The following SEC16B variants were observed in gnomAD, a reference collection of about 807,000 sequenced individuals.
The protein encoded by SEC16B is SEC16 homolog B, endoplasmic reticulum export factor.
SEC16B carries 115 observed loss-of-function variants against 141.8 expected under a neutral mutation model. That is an observed-to-expected ratio of 0.81 (90% CI 0.70 to 0.95). The LOEUF (loss-of-function observed/expected upper bound fraction) is 0.95, where lower values mean the gene tolerates loss of function less well. Among genes scored for constraint, SEC16B ranks in the 40% least tolerant of loss-of-function variants. The pLI, the probability that SEC16B is intolerant of heterozygous loss-of-function variation, is 0.00. For synonymous variants in SEC16B, 493 were observed against 492.5 expected, an observed-to-expected ratio of 1.00 and a Z score of -0.01; for missense variants, 1,291 against 1,312.3, an observed-to-expected ratio of 0.98 and a Z score of 0.25.
intron 20 of SEC16B, among the ~76,000 whole-genome samples, 174 bp from the exon 21 acceptor site, chr1:177,933,810 C>A (rs947627395): frequency 3.3e-5 from 5 of 152,166 alleles, no homozygotes; most frequent in African/African-American, 1.2e-4. Flanking sequence ...CTGAAGGTCG[C>A]AGGATAAGGA....
chr1:177,937,628 G>T, intron 18 of SEC16B, 115 bp from the exon 19 acceptor site: 1 of 832,692 alleles, frequency 1.2e-6, no homozygotes, highest in South Asian at 2.1e-5. Context: ...ACAAGGACGA[G>T]CTGTCTAATG....
chr1:177,931,224 G>A (rs542048521), intron 24 of SEC16B, among the ~76,000 whole-genome samples: 1 of 152,290 alleles, frequency 6.6e-6, no homozygotes, highest in African/African-American at 2.4e-5. Context: ...ATACGTATAC[G>A]ATGGAATACA....
At chr1:177,948,698 T>C in intron 12 of SEC16B, 1 of 1,238,406 alleles carries the variant, frequency 8.1e-7, no homozygotes, top group Non-Finnish European at 1.0e-6. Flanking sequence ...TATAATGTCA[T>C]GGAAACAACA....
At position 177,947,966 on chromosome 1, in the gene SEC16B, A is replaced by G. The variant is rs372926685; in HGVS notation, c.1546-24T>C. Reference sequence around the variant, plus strand: ...CACTGAAAAGCACCAGAAAAAATAAATGTACAATCATTTAAGAATGGCCAG... The same window carrying G: ...CACTGAAAAGCACCAGAAAAAATAAGTGTACAATCATTTAAGAATGGCCAG... On this transcript the variant is annotated intron_variant, in intron 12 of 25. Coordinates refer to ENST00000308284, the MANE Select transcript of SEC16B (RefSeq NM_033127.4). The G allele has an allele frequency of 1.4e-4, 214 of 1,481,634 alleles. No homozygotes were observed. The African/African-American group carries it at 2.6e-3, about 18-fold the overall frequency. The allele number at this position is 1,481,634 out of a possible 1,614,324, so 91.8% of individuals were successfully genotyped here.
chr1:177,963,168 G>C (rs1653218028), intron 5 of SEC16B, among the ~76,000 whole-genome samples: 1 of 151,894 alleles, frequency 6.6e-6, no homozygotes, highest in Non-Finnish European at 1.5e-5. Flanking sequence ...CTGTACATAT[G>C]TATGTGGCTG....
At position 177,968,032 on chromosome 1, in the gene SEC16B, T is replaced by G. The variant is rs1296863693; in HGVS notation, c.-51A>C. Reference sequence around the variant, plus strand: ...GTTTTGAGTAAGTTGTGCAGTTATTTTATCTTCCTGCAGACAAAAGAAAAA... The same window carrying G: ...GTTTTGAGTAAGTTGTGCAGTTATTGTATCTTCCTGCAGACAAAAGAAAAA... On this transcript the variant is annotated 5_prime_UTR_variant, in exon 2 of 26. Transcript: ENST00000308284. The G allele has an allele frequency of 8.6e-6, 13 of 1,509,552 alleles. No homozygotes were observed. In the East Asian group the frequency reaches 9.2e-5, roughly 11 times the overall value. The allele number at this position is 1,509,552 out of a possible 1,614,324, so 93.5% of individuals were successfully genotyped here.
rs748183069 is a variant in SEC16B, at chr1:177,939,690, C to A, written c.2203+12G>T. On this transcript the variant is annotated intron_variant, in intron 18 of 25. Coordinates refer to ENST00000308284, the MANE Select transcript of SEC16B (RefSeq NM_033127.4). ...TCAGCTATGTATATGCTCAGTTCAT[C>A]ATTTTGGGTACCTGTTGTTGTTCCT... The A allele has an allele frequency of 3.2e-6, 5 of 1,573,950 alleles. No individual in the cohort carries two copies. The highest frequency in any genetic ancestry group is 1.3e-5 in the African/African-American group (1 of 74,316).
At chr1:177,936,919 T>A (rs477713) in intron 19 of SEC16B, among the ~76,000 whole-genome samples, 7 of 152,072 alleles carry the variant, frequency 4.6e-5, no homozygotes, top group Admixed American at 1.3e-4. Flanking sequence ...CCCTGTAATC[T>A]CTCTCCTAGA....
chr1:177,936,276 C>CT, intron 20 of SEC16B, 22 bp downstream of exon 20: 1 of 1,598,834 alleles, frequency 6.3e-7, no homozygotes, highest in South Asian at 1.1e-5. Context: ...GCAGTGGCAT[C>CT]TTTTATGCTG....
chr1:177,950,453 G>C lies in SEC16B; in HGVS notation c.1545+1461C>G, dbSNP rs537067340. On this transcript the variant is annotated intron_variant, in intron 12 of 25. Transcript: ENST00000308284. ...TGCACAAACCTAATATAAATAACTG[G>C]AAATAAAAATCCAGGGAAGAGTCAA... 1.1e-3 allele frequency among the ~76,000 whole-genome samples: 167 copies of C among 152,156 alleles called. 2 individuals carry two copies. The highest frequency in any genetic ancestry group is 3.8e-3 in the African/African-American group (157 of 41,484).
chr1:177,939,982 C>T (rs1273081820), intron 17 of SEC16B, among the ~76,000 whole-genome samples: 1 of 152,038 alleles, frequency 6.6e-6, no homozygotes, highest in Non-Finnish European at 1.5e-5. Context: ...GGCTGGAGAC[C>T]AGAGTCATCC....
rs1228031147 is a variant in SEC16B at position 177,958,886 on chromosome 1, G to A, written c.1088C>T (p.Ser363Leu). 1.9e-6 allele frequency: 3 copies of A among 1,613,708 alleles called. No individual in the cohort carries two copies. In the African/African-American group the frequency reaches 4.0e-5, roughly 22 times the overall value. ...CKSETLGSRDSALLWQLLVLL... is the reference protein window; with the variant it reads ...CKSETLGSRDLALLWQLLVLL... Reference sequence around the variant, plus strand: ...AACCAAGAGCTGCCACAGTAGAGCTGAGTCTCTGCTCCCCAGTGTCTCAGA... The same window carrying A: ...AACCAAGAGCTGCCACAGTAGAGCTAAGTCTCTGCTCCCCAGTGTCTCAGA... Residue 363 changes from serine (S) to leucine (L), a missense_variant, in exon 9 of 26, where the codon TCA becomes TTA. Around this residue, in one of 3 missense-constraint regions of SEC16B, gnomAD observed 681 missense variants for 675.5 expected, o/e 1.01. Coordinates refer to ENST00000308284, the MANE Select transcript of SEC16B (RefSeq NM_033127.4).
rs1409613254 is a variant in SEC16B at position 177,960,920 on chromosome 1, G to A, written c.807C>T (p.Pro269=). The A allele has an allele frequency of 6.2e-7, 1 of 1,613,908 alleles. No individual in the cohort carries two copies. Residue 269 remains proline (P), a synonymous_variant, in exon 7 of 26, where the codon CCC becomes CCT. Transcript: ENST00000308284. ...PVQADVSSAG[P]KAPMKFYIPH... is the part of the protein sequence containing the mutation. ...GGATGTAGAACTTCATGGGTGCTTT[G>A]GGACCAGCTGAGGAGACATCTTCTG...
At chr1:177,976,993 G>C (rs1654192694) in intron 1 of SEC16B, among the ~76,000 whole-genome samples, 1 of 152,120 alleles carries the variant, frequency 6.6e-6, no homozygotes, top group African/African-American at 2.4e-5. Flanking sequence ...GTTGTTTCAG[G>C]AACAATGCAG....
In SEC16B at chr1:177,958,176, T is replaced by C. The variant is rs1287843306; in HGVS notation, c.1321A>G (p.Ile441Val). ...IPPSVETPAQIVEKFTRLLYY... is the reference protein window; with the variant it reads ...IPPSVETPAQVVEKFTRLLYY... ...AGCAGCCTAGTGAATTTCTCCACGA[T>C]CTGCGCAGGTGTCTCCACACTGGGG... is the stretch of plus-strand genomic sequence containing the variant. Residue 441 changes from isoleucine (I) to valine (V), a missense_variant, in exon 10 of 26, where the codon ATC becomes GTC. By Grantham distance (29) the Ile-to-Val change is conservative. This residue lies in a region of SEC16B where 681 missense variants were observed against 675.5 expected (regional missense o/e 1.01). Coordinates refer to ENST00000308284, the MANE Select transcript of SEC16B (RefSeq NM_033127.4). 2 of 1,564,920 alleles carry C rather than the reference T, an allele frequency of 1.3e-6. No homozygotes were observed. Among genetic ancestry groups the C allele is most frequent in the South Asian group, 2.5e-5 (2 of 81,254 alleles).
intron 1 of SEC16B, among the ~76,000 whole-genome samples, chr1:177,982,175 G>A (rs1238895880): frequency 6.6e-6 from 1 of 152,132 alleles, no homozygotes; most frequent in Non-Finnish European, 1.5e-5. Context: ...CCATAGGGTT[G>A]GTGAAAGGGT....
intron 2 of SEC16B, among the ~76,000 whole-genome samples, chr1:177,966,254 CCT>C (rs1449342944): frequency 6.6e-6 from 1 of 152,114 alleles, no homozygotes; most frequent in Non-Finnish European, 1.5e-5. Context: ...TTTCTAAAAA[CCT>C]CTTTTTTATT....
intron 5 of SEC16B, 92 bp downstream of exon 5, chr1:177,964,079 A>C (rs1571346402): frequency 2.4e-6 from 2 of 848,096 alleles, no homozygotes; most frequent in Non-Finnish European, 3.6e-6. Flanking sequence ...GCCACTGGAC[A>C]TCCATCCCCA....
chr1:177,933,365 T>C, intron 21 of SEC16B, 53 bp from the exon 22 acceptor site: 1 of 1,560,246 alleles, frequency 6.4e-7, no homozygotes, highest in Non-Finnish European at 8.7e-7. Flanking sequence ...CTTCCCCAAC[T>C]ATGAGGTTAA....
Sources: gnomAD v4.1 joint callset for allele counts (sites outside exome capture counted in the v4.1 genomes callset) on GRCh38, gnomAD v4.1.1 for gene constraint, gnomAD v4.1.1 regional missense constraint, MANE v1.5 for transcripts, NCBI Gene and HGNC (gene_info 2026-07-23, HGNC 2026-07-21) for gene names.